KRT86: variants seen among roughly 807,000 people sequenced by gnomAD.
KRT86 encodes the protein keratin 86, also known as keratin, type II cuticular Hb6.
In KRT86, 30 loss-of-function variants were observed where a neutral mutation model predicts 41.2. That is an observed-to-expected ratio of 0.73 (90% CI 0.54 to 0.99). KRT86 has a LOEUF of 0.99. Among genes scored for constraint, KRT86 ranks in the 50% least tolerant of loss-of-function variants. The pLI, the probability that KRT86 is intolerant of heterozygous loss-of-function variation, is 0.00. For synonymous variants in KRT86, 238 were observed against 238.1 expected (o/e 1.00, Z 0.00); for missense variants, 561 against 571.4 (o/e 0.98, Z 0.19).
intron 2 of KRT86, among the ~76,000 whole-genome samples, chr12:52,276,891 T>C (rs1937646654): frequency 6.6e-6 from 1 of 152,172 alleles, no homozygotes; most frequent in Admixed American, 6.5e-5. Context: ...TTTCTGCAGA[T>C]GCAAGTGTCT....
At chr12:52,294,659 C>T (rs1024872434) in intron 2 of KRT86, among the ~76,000 whole-genome samples, 15 of 152,112 alleles carry the variant, frequency 9.9e-5, no homozygotes, top group Non-Finnish European at 1.3e-4. Flanking sequence ...TGTAGCAATA[C>T]CTACCACTTA....
At chr12:52,283,462 A>T (rs1385211801) in intron 2 of KRT86, among the ~76,000 whole-genome samples, 1 of 127,274 alleles carries the variant, frequency 7.9e-6, no homozygotes, top group African/African-American at 2.9e-5. Context: ...TAGCCACCTA[A>T]TCCAAGCATT....
chr12:52,305,612 A>G (rs1171689750), intron 7 of KRT86, 51 bp from the exon 8 acceptor site: 1 of 1,613,800 alleles, frequency 6.2e-7, no homozygotes, highest in Non-Finnish European at 8.5e-7. Flanking sequence ...CATGCCCTGA[A>G]TGGGTGGGAG....
chr12:52,277,939 G>A (rs943393210), intron 2 of KRT86, among the ~76,000 whole-genome samples: 4 of 152,208 alleles, frequency 2.6e-5, no homozygotes, highest in African/African-American at 7.2e-5. Context: ...CACCTGGGAC[G>A]GGGTGACCCA....
At chr12:52,282,454 T>G (rs537046099) in intron 2 of KRT86, among the ~76,000 whole-genome samples, 58 of 152,228 alleles carry the variant, frequency 3.8e-4, no homozygotes, top group African/African-American at 1.3e-3. Flanking sequence ...GCCAGGATGG[T>G]CTCGATCTTC....
intron 7 of KRT86, 50 bp from the exon 8 acceptor site, chr12:52,305,613 T>C (rs199923137): frequency 7.3e-5 from 117 of 1,613,776 alleles, no homozygotes; most frequent in Non-Finnish European, 2.5e-5. Context: ...ATGCCCTGAA[T>C]GGGTGGGAGG....
rs369501058 is a variant in KRT86 at position 52,301,533 on chromosome 12, CG to C, written c.-4-379del. On this transcript the variant is annotated intron_variant, in intron 2 of 10. Transcript: ENST00000423955. ...CGCAGGACAGAAAGAGCAGCAGCCC[CG>C]CCCCTTCCCTTCCATTCCAACCTGA... Among the ~76,000 whole-genome samples the C allele has an allele frequency of 2.6e-3, 395 of 152,248 alleles. 2 individuals are homozygous for C. Among genetic ancestry groups the C allele is most frequent in the African/African-American group, 8.9e-3 (371 of 41,532 alleles).
intron 9 of KRT86, 72 bp downstream of exon 9, chr12:52,306,352 G>A: frequency 6.2e-7 from 1 of 1,608,486 alleles, no homozygotes; most frequent in African/African-American, 1.3e-5. Flanking sequence ...CACACTCCTG[G>A]CAGCATTTAA....
Position 52,302,138 on chromosome 12 carries a change from T to C in KRT86, c.222T>C (p.Ser74=), listed in dbSNP as rs774523262. ...GCTCCGGGGGCGTGTGCGGGCCCAG[T>C]CCCCCATGCATCACCACCGTGTCGG... ...GYRSGGVCGP[S]PPCITTVSVN... is the part of the protein sequence containing the mutation. The change falls in exon 3 of 11, where the codon AGT becomes AGC. Residue 74 remains serine (S), a synonymous_variant. Transcript: ENST00000423955. 11 of 1,519,606 alleles carry C rather than the reference T, an allele frequency of 7.2e-6. No homozygotes were observed. In the Admixed American group the frequency reaches 8.0e-5, roughly 11 times the overall value. 94.1% of individuals were successfully genotyped at this position (1,519,606 alleles called of 1,614,324 possible). A position where few individuals can be genotyped will look rare whatever the true frequency, so the allele number is the denominator to read the frequency against.
intron 7 of KRT86, 128 bp downstream of exon 7, chr12:52,305,532 GGGT>G (rs1300065170): frequency 9.4e-6 from 15 of 1,598,612 alleles, no homozygotes; most frequent in Non-Finnish European, 1.3e-5. Context: ...TCTGATGTTG[GGGT>G]GGTAGGGCAG....
At chr12:52,286,450 G>A (rs371671670) in intron 2 of KRT86, 30 of 1,552,728 alleles carry the variant, frequency 1.9e-5, no homozygotes, top group East Asian at 1.5e-4. Context: ...AGCCTGACAC[G>A]CAGAGGTCCC....
chr12:52,279,625 C>T (rs191766020), intron 2 of KRT86, among the ~76,000 whole-genome samples: 9 of 152,222 alleles, frequency 5.9e-5, no homozygotes, highest in South Asian at 4.1e-4. Context: ...GGGGTCAGGG[C>T]GAGAACAGTA....
At chr12:52,286,511 T>C (rs1335804902) in intron 2 of KRT86, 24 of 1,550,780 alleles carry the variant, frequency 1.5e-5, no homozygotes, top group Non-Finnish European at 2.1e-5. Flanking sequence ...CCCCGAAGGC[T>C]GAGTCAAAAT....
chr12:52,295,315 G>A (rs758060891), intron 2 of KRT86, among the ~76,000 whole-genome samples: 23 of 151,956 alleles, frequency 1.5e-4, no homozygotes, highest in African/African-American at 4.1e-4. Flanking sequence ...TATTATTCTC[G>A]TTTTATAGAT....
At chr12:52,281,097 G>T (rs1292642445) in intron 2 of KRT86, among the ~76,000 whole-genome samples, 1 of 152,204 alleles carries the variant, frequency 6.6e-6, no homozygotes, top group African/African-American at 2.4e-5. Flanking sequence ...TTCCCTGAGA[G>T]GCTCCCCTGG....
intron 3 of KRT86, 36 bp from the exon 4 acceptor site, chr12:52,303,064 A>C (rs1938422106): frequency 2.8e-6 from 1 of 361,068 alleles, no homozygotes; most frequent in African/African-American, 2.8e-5. Context: ...GGGGCACCAG[A>C]CACCATCTGC....
chr12:52,286,965 C>CCAGCCCTCCCCA (rs1937962767), intron 2 of KRT86: 1 of 1,550,708 alleles, frequency 6.4e-7, no homozygotes, highest in Non-Finnish European at 8.8e-7. Context: ...AACTCACACA[C>CCAGCCCTCCCCA]CAGCCCTCCC....
intron 2 of KRT86, among the ~76,000 whole-genome samples, chr12:52,292,658 T>C (rs1285895167): frequency 1.4e-5 from 2 of 138,942 alleles, no homozygotes; most frequent in African/African-American, 5.4e-5. Context: ...AAAGAACACT[T>C]CTTTATTATT....
chr12:52,286,211 A>G, intron 2 of KRT86: 1 of 1,499,376 alleles, frequency 6.7e-7, no homozygotes, highest in Non-Finnish European at 9.1e-7. Context: ...CAAGCAAGGC[A>G]GGGCAGGAAA....
Sources: gnomAD v4.1 joint callset for allele counts (sites outside exome capture counted in the v4.1 genomes callset) on GRCh38, gnomAD v4.1.1 for gene constraint, MANE v1.5 for transcripts, NCBI Gene and HGNC (gene_info 2026-07-23, HGNC 2026-07-21) for gene names.